EML5: variants seen among roughly 807,000 people sequenced by gnomAD.
EML5 encodes the protein EMAP like 5.
EML5 carries 120 observed loss-of-function variants against 250.0 expected under a neutral mutation model. That is an observed-to-expected ratio of 0.48 (90% CI 0.41 to 0.56). The LOEUF (loss-of-function observed/expected upper bound fraction) is 0.56. Ranked by LOEUF, EML5 falls within the 20% of genes least tolerant of loss-of-function variation. The pLI is 0.00. For synonymous variants in EML5, 771 were observed against 806.5 expected, an observed-to-expected ratio of 0.96 and a Z score of 0.75; for missense variants, 2,006 against 2,437.6, an observed-to-expected ratio of 0.82 and a Z score of 3.73.
At chr14:88,763,783 A>G (rs568257784) in intron 1 of EML5, among the ~76,000 whole-genome samples, 42 of 152,296 alleles carry the variant, frequency 2.8e-4, no homozygotes, top group Non-Finnish European at 5.1e-4. Flanking sequence ...TTTAATTAGA[A>G]GTGACAAGAA....
intron 4 of EML5, among the ~76,000 whole-genome samples, chr14:88,742,754 G>T (rs920119813): frequency 1.3e-5 from 2 of 151,936 alleles, no homozygotes; most frequent in African/African-American, 4.8e-5. Context: ...AGCCTTTTTG[G>T]TATTAAATAT....
At chr14:88,725,154 AT>A (rs1203590997) in intron 8 of EML5, among the ~76,000 whole-genome samples, 3 of 152,100 alleles carry the variant, frequency 2.0e-5, no homozygotes, top group African/African-American at 7.2e-5. Context: ...GGCTTAGGAG[AT>A]GGAAGAATGG....
chr14:88,642,905 T>C lies in EML5; in HGVS notation c.4225A>G (p.Asn1409Asp). The change falls in exon 31 of 44, where the codon AAT becomes GAT. Residue 1409 changes from asparagine to aspartate, a missense_variant. Asn to Asp is a conservative substitution (Grantham distance 23, BLOSUM62 1). This residue lies in a region of EML5 where 1,375 missense variants were observed against 1,590.3 expected (regional missense o/e 0.86). Transcript: ENST00000554922. ...YHTASVGILH[N>D]VATGSQSFYQ... is the part of the protein sequence containing the mutation. ...CAGGGTTTCCTACCTGTAGCAACAT[T>C]GTGCAGAATTCCAACAGATGCAGTG... is the stretch of plus-strand genomic sequence containing the variant. 6.2e-7 allele frequency: 1 copy of C among 1,602,994 alleles called. No homozygotes were observed. Among genetic ancestry groups the C allele is most frequent in the Non-Finnish European group, 8.5e-7 (1 of 1,176,672 alleles).
Position 88,704,906 on chromosome 14 carries a change from T to G in EML5, c.2005A>C (p.Arg669=), listed in dbSNP as rs750996207. The G allele has an allele frequency of 2.5e-6, 4 of 1,613,310 alleles. No homozygotes were observed. Among genetic ancestry groups the G allele is most frequent in the Non-Finnish European group, 3.4e-6 (4 of 1,179,526 alleles). ...EKQKSATSKR[R]ERAPGNSIRL... is the part of the protein sequence containing the mutation. ...ATACTATTTCCTGGAGCCCGCTCTC[T>G]TCTTTTAGAAGTAGCACTTTTTTGT... The change falls in exon 13 of 44, where the codon AGA becomes CGA. Residue 669 remains arginine (R), a synonymous_variant. Transcript: ENST00000554922.
chr14:88,643,117 C>A, intron 30 of EML5, 95 bp from the exon 31 acceptor site: 1 of 1,168,588 alleles, frequency 8.6e-7, no homozygotes, highest in South Asian at 1.9e-5. Context: ...TGTCTGCAGT[C>A]AAAATGGAGT....
Position 88,694,392 on chromosome 14 carries a change from C to A in EML5, c.2454G>T (p.Lys818Asn). The change falls in exon 17 of 44, where the codon AAG (lysine) becomes AAT (asparagine). Residue 818 changes from lysine (K) to asparagine (N), a missense_variant. Lys to Asn is a moderately conservative substitution (Grantham distance 94). Coordinates refer to ENST00000554922, the MANE Select transcript of EML5 (RefSeq NM_183387.3). ...KLSIARGSKD[K>N]IFVVKMNPYV... Reference sequence around the variant, plus strand: ...AGGGGTTCATCTTTACAACAAAAATCTTATCTTTACTTCCTCTGAAATAAA... The same window carrying A: ...AGGGGTTCATCTTTACAACAAAAATATTATCTTTACTTCCTCTGAAATAAA... 6.4e-7 allele frequency: 1 copy of A among 1,574,512 alleles called. No homozygotes were observed. Among genetic ancestry groups the A allele is most frequent in the Non-Finnish European group, 8.6e-7 (1 of 1,157,172 alleles).
At chr14:88,750,842 A>G (rs566310537) in intron 2 of EML5, among the ~76,000 whole-genome samples, 1 of 152,328 alleles carries the variant, frequency 6.6e-6, no homozygotes, top group South Asian at 2.1e-4. Flanking sequence ...AAATCTAGCT[A>G]GAACAAATGT....
chr14:88,743,844 A>G (rs1387487684), intron 4 of EML5, among the ~76,000 whole-genome samples, 179 bp downstream of exon 4: 2 of 152,120 alleles, frequency 1.3e-5, no homozygotes, highest in Admixed American at 1.3e-4. Context: ...TCCTTACAAT[A>G]GTTCAAAGCA....
intron 5 of EML5, among the ~76,000 whole-genome samples, chr14:88,740,130 C>A (rs532120371): frequency 6.6e-6 from 1 of 152,074 alleles, no homozygotes; most frequent in South Asian, 2.1e-4. Flanking sequence ...AGCTTTTTTT[C>A]AACACTACTC....
chr14:88,619,757 C>G (rs954018541), intron 39 of EML5: 1 of 152,190 alleles, frequency 6.6e-6, no homozygotes, highest in African/African-American at 2.4e-5. Flanking sequence ...CTCCGCCTCC[C>G]GGGTTCAAGC....
At chr14:88,634,831 C>T (rs1024548644) in intron 32 of EML5, among the ~76,000 whole-genome samples, 1 of 152,156 alleles carries the variant, frequency 6.6e-6, no homozygotes, top group African/African-American at 2.4e-5. Context: ...AATAGACTCT[C>T]TGGAGTTTTA....
intron 27 of EML5, among the ~76,000 whole-genome samples, chr14:88,651,033 T>C (rs143356289): frequency 1.3e-5 from 2 of 152,172 alleles, no homozygotes; most frequent in African/African-American, 4.8e-5. Flanking sequence ...AACCATATTA[T>C]CTCCTCACAA....
intron 9 of EML5, among the ~76,000 whole-genome samples, chr14:88,714,585 G>A (rs1401496831): frequency 6.6e-6 from 1 of 152,064 alleles, no homozygotes; most frequent in African/African-American, 2.4e-5. Context: ...ACTGTGAAGT[G>A]GCAGATACAT....
Position 88,746,191 on chromosome 14 carries a change from T to G in EML5, c.450A>C (p.Thr150=), listed in dbSNP as rs763468643. Residue 150 remains threonine (T), a synonymous_variant, in exon 3 of 44, where the codon ACA becomes ACC. Coordinates refer to ENST00000554922, the MANE Select transcript of EML5 (RefSeq NM_183387.3). ...GKMLSMAPGH[T]DRIFDISWDL... The stretch of plus-strand genomic sequence containing the variant: ...CTCAAAAGAGAATACTTACTCTATC[T>G]GTATGACCAGGAGCCATAGACAACA... 1 of 1,611,810 alleles carries G rather than the reference T, an allele frequency of 6.2e-7. No individual in the cohort carries two copies. The highest frequency in any genetic ancestry group is 8.5e-7 in the Non-Finnish European group (1 of 1,178,408).
chr14:88,660,953 G>T (rs75974467), intron 25 of EML5, among the ~76,000 whole-genome samples: 128 of 152,192 alleles, frequency 8.4e-4, no homozygotes, highest in Non-Finnish European at 1.6e-3. Context: ...TTTTATAAGT[G>T]TAAGTATTTT....
intron 31 of EML5, 63 bp from the exon 32 acceptor site, chr14:88,638,970 AC>A: frequency 8.0e-7 from 1 of 1,247,990 alleles, no homozygotes. Flanking sequence ...AAAAGCACTT[AC>A]CCAGAACAAT....
intron 20 of EML5, among the ~76,000 whole-genome samples, chr14:88,682,820 G>T (rs138391692): frequency 9.2e-5 from 14 of 152,254 alleles, no homozygotes; most frequent in African/African-American, 3.4e-4. Flanking sequence ...GGGTCCTGGG[G>T]TAACCCAGGA....
chr14:88,663,379 G>A (rs948048093), intron 23 of EML5, among the ~76,000 whole-genome samples: 1 of 151,904 alleles, frequency 6.6e-6, no homozygotes, highest in African/African-American at 2.4e-5. Flanking sequence ...AAAATTCCTA[G>A]AAACAAATGT....
chr14:88,732,918 T>C lies in EML5; in HGVS notation c.1049+3446A>G, dbSNP rs540174874. On this transcript the variant is annotated intron_variant, in intron 7 of 43. Coordinates refer to ENST00000554922, the MANE Select transcript of EML5 (RefSeq NM_183387.3). ...TTCTGCCTCCCAGGTTCTAGCGATA[T>C]TATTAAACACTGAATGGATTTGGAA... Among the ~76,000 whole-genome samples the C allele has an allele frequency of 2.6e-5, 4 of 152,252 alleles. No individual in the cohort carries two copies. In the East Asian group the frequency reaches 7.7e-4, roughly 29 times the overall value.
Sources: allele counts gnomAD v4.1 joint callset (sites outside exome capture counted in the v4.1 genomes callset), GRCh38; gene constraint gnomAD v4.1.1; regional missense constraint gnomAD v4.1.1; transcripts MANE v1.5; gene names NCBI Gene and HGNC (gene_info 2026-07-23, HGNC 2026-07-21).